DRGX: variants seen among roughly 807,000 people sequenced by gnomAD.
DRGX encodes dorsal root ganglia homeobox protein.
Under a neutral mutation model 28.6 loss-of-function variants are expected in DRGX, and 21 were observed. The observed-to-expected ratio is 0.73, with a 90% CI of 0.52 to 1.06. The LOEUF (loss-of-function observed/expected upper bound fraction) is 1.06. Among genes scored for constraint, DRGX ranks in the 50% least tolerant of loss-of-function variants. DRGX has a pLI of 0.00. For synonymous variants in DRGX, 136 were observed against 139.1 expected (o/e 0.98, Z 0.16); for missense variants, 354 against 343.9 (o/e 1.03, Z -0.23).
chr10:49,366,153 G>A lies in DRGX; in HGVS notation c.755C>T (p.Pro252Leu), dbSNP rs1427370496. Reference protein sequence around the residue: ...PPDGSQEKTSPTKEQSEAEKS... With the variant: ...PPDGSQEKTSLTKEQSEAEKS... ...CTCTGCCTCGCTCTGTTCCTTGGTGGGAGAGGTCTTTTCCTGGCTGCCATC... is the reference window on the plus strand; with the variant it reads ...CTCTGCCTCGCTCTGTTCCTTGGTGAGAGAGGTCTTTTCCTGGCTGCCATC... Residue 252 changes from proline (P) to leucine (L), a missense_variant, in exon 7 of 7, where the codon CCC (proline) becomes CTC (leucine). Transcript: ENST00000374139. 2.5e-6 allele frequency: 4 copies of A among 1,609,748 alleles called. No homozygotes were observed. In the East Asian group the frequency reaches 6.7e-5, roughly 27 times the overall value.
intron 6 of DRGX, among the ~76,000 whole-genome samples, chr10:49,378,229 A>G (rs770386221): frequency 1.7e-4 from 26 of 152,204 alleles, no homozygotes; most frequent in Non-Finnish European, 3.4e-4. Context: ...AAGAAAATAT[A>G]TTTAATTGAT....
chr10:49,377,156 G>A (rs1414415189), intron 6 of DRGX, among the ~76,000 whole-genome samples: 1 of 152,232 alleles, frequency 6.6e-6, no homozygotes, highest in Non-Finnish European at 1.5e-5. Flanking sequence ...TCTCCTAAGA[G>A]AGGACCTTCT....
chr10:49,393,648 T>C (rs1395483043), intron 2 of DRGX, among the ~76,000 whole-genome samples: 2 of 152,246 alleles, frequency 1.3e-5, no homozygotes, highest in Non-Finnish European at 2.9e-5. Context: ...AACTTTTCCA[T>C]TTGCGGGAGA....
chr10:49,381,674 G>A (rs1264265141), intron 6 of DRGX, among the ~76,000 whole-genome samples: 3 of 152,224 alleles, frequency 2.0e-5, no homozygotes, highest in African/African-American at 7.2e-5. Flanking sequence ...TGGGAGAACA[G>A]GTCTTGCCCT....
chr10:49,375,194 T>C (rs564199167), intron 6 of DRGX, among the ~76,000 whole-genome samples: 13 of 152,344 alleles, frequency 8.5e-5, no homozygotes, highest in African/African-American at 2.9e-4. Context: ...TCTTGTTTTA[T>C]GGTTTATTTC....
chr10:49,371,707 G>C (rs1014884869), intron 6 of DRGX, among the ~76,000 whole-genome samples: 4 of 148,562 alleles, frequency 2.7e-5, no homozygotes, highest in Non-Finnish European at 4.4e-5. Flanking sequence ...TAGGAGAATC[G>C]CTTGAACCCG....
At chr10:49,370,953 A>G (rs1470998176) in intron 6 of DRGX, among the ~76,000 whole-genome samples, 2 of 152,136 alleles carry the variant, frequency 1.3e-5, no homozygotes, top group Admixed American at 6.5e-5. Context: ...CTCTTGTGTG[A>G]TGGTCACACC....
Position 49,386,732 on chromosome 10 carries a change from G to A in DRGX, c.361C>T (p.Pro121Ser), listed in dbSNP as rs377684318. Residue 121 changes from proline (P) to serine (S), a missense_variant, in exon 5 of 7, where the codon CCC becomes TCC. Pro to Ser is a moderately conservative substitution (Grantham distance 74, BLOSUM62 -1). Coordinates refer to ENST00000374139, the MANE Select transcript of DRGX (RefSeq NM_001276451.2). The stretch of plus-strand genomic sequence containing the variant: ...TTACTCCGGGCTTGGTCCCCAGGGG[G>A]CGGGGAGTTGATGTTTCTCACTGGA... ...PPPVRNINSP[P>S]PGDQARSKKE... 27 of 1,605,284 alleles carry A rather than the reference G, an allele frequency of 1.7e-5. No individual in the cohort carries two copies. Among genetic ancestry groups the A allele is most frequent in the Non-Finnish European group, 2.1e-5 (25 of 1,175,886 alleles).
At chr10:49,372,252 T>G (rs1267296810) in intron 6 of DRGX, among the ~76,000 whole-genome samples, 2 of 152,172 alleles carry the variant, frequency 1.3e-5, no homozygotes, top group East Asian at 3.8e-4. Flanking sequence ...CAAACACACT[T>G]AGAAAAGGTC....
intron 2 of DRGX, among the ~76,000 whole-genome samples, chr10:49,394,089 CAG>C (rs1487890851): frequency 1.3e-5 from 2 of 152,272 alleles, no homozygotes; most frequent in East Asian, 3.9e-4. Context: ...GGTACACTGT[CAG>C]GGGATGCACG....
chr10:49,383,456 T>C (rs1849799474), intron 6 of DRGX, among the ~76,000 whole-genome samples: 1 of 151,852 alleles, frequency 6.6e-6, no homozygotes, highest in Non-Finnish European at 1.5e-5. Flanking sequence ...CAGAGAGAAC[T>C]CAGAAAGCAG....
Position 49,386,610 on chromosome 10 carries a change from A to T in DRGX, c.414-20T>A, listed in dbSNP as rs1590368997. ...CCCAGGCTGGCAAAGGAAGGAGATC[A>T]TATTGAGGTCTCGCCCTGTGTCTGC... On this transcript the variant is annotated intron_variant, in intron 5 of 6. Coordinates refer to ENST00000374139, the MANE Select transcript of DRGX (RefSeq NM_001276451.2). 6.3e-7 allele frequency: 1 copy of T among 1,595,834 alleles called. No homozygotes were observed. The highest frequency in any genetic ancestry group is 8.5e-7 in the Non-Finnish European group (1 of 1,171,256).
Position 49,391,160 on chromosome 10 carries a change from G to T in DRGX, c.132+4C>A, listed in dbSNP as rs118191360. The T allele has an allele frequency of 4.3e-3, 7,001 of 1,613,542 alleles. 26 individuals are homozygous for T. Among genetic ancestry groups the T allele is most frequent in the South Asian group, 8.0e-3 (723 of 90,886 alleles). On this transcript the variant is annotated splice_donor_region_variant and intron_variant, in intron 3 of 6. Transcript: ENST00000374139. ...ATGTTTGAAAGGAGAATCAACGTTG[G>T]TACCTGCTGAAGAGTGAACGTCGTC...
chr10:49,372,411 T>G (rs1018841881), intron 6 of DRGX, among the ~76,000 whole-genome samples: 3 of 152,184 alleles, frequency 2.0e-5, no homozygotes, highest in Admixed American at 2.0e-4. Context: ...AGAAGAAGTC[T>G]GGCCCCTGAC....
At chr10:49,366,605 C>T (rs2132467185) in intron 6 of DRGX, among the ~76,000 whole-genome samples, 1 of 152,340 alleles carries the variant, frequency 6.6e-6, no homozygotes, top group East Asian at 1.9e-4. Context: ...CCTGGCGAGT[C>T]CTGGCTCCCT....
chr10:49,379,480 G>C (rs925727524), intron 6 of DRGX, among the ~76,000 whole-genome samples: 1 of 152,198 alleles, frequency 6.6e-6, no homozygotes, highest in Non-Finnish European at 1.5e-5. Flanking sequence ...TAAAGAAGAA[G>C]AGGGGAAAGA....
chr10:49,366,965 A>G (rs1156900145), intron 6 of DRGX, among the ~76,000 whole-genome samples: 1 of 152,212 alleles, frequency 6.6e-6, no homozygotes, highest in African/African-American at 2.4e-5. Context: ...TGGAATATAA[A>G]ATGTGTGTGG....
intron 6 of DRGX, among the ~76,000 whole-genome samples, chr10:49,369,381 C>A (rs1484227687): frequency 6.6e-6 from 1 of 152,150 alleles, no homozygotes; most frequent in Non-Finnish European, 1.5e-5. Flanking sequence ...TGGTTAAAAA[C>A]CGTAAGGACT....
intron 4 of DRGX, among the ~76,000 whole-genome samples, chr10:49,388,430 A>C (rs942975389): frequency 5.3e-5 from 8 of 152,244 alleles, no homozygotes; most frequent in South Asian, 2.1e-4. Context: ...GGCCCACCCT[A>C]TCTCTTAACT....
Sources: allele counts gnomAD v4.1 joint callset (sites outside exome capture counted in the v4.1 genomes callset), GRCh38; gene constraint gnomAD v4.1.1; transcripts MANE v1.5; gene names NCBI Gene and HGNC (gene_info 2026-07-23, HGNC 2026-07-21).